The following USP9Y variants were observed in gnomAD, a reference collection of about 807,000 sequenced individuals.
USP9Y encodes ubiquitin carboxyl-terminal hydrolase 9Y.
In USP9Y, 41 loss-of-function variants were observed where a neutral mutation model predicts 53.1. That is an observed-to-expected ratio of 0.77 (90% confidence interval 0.60 to 1.00). The LOEUF is 1.00. USP9Y is among the 50% of genes least tolerant of loss of function. The pLI is 0.00. For missense variants in USP9Y, 567 were observed against 535.8 expected, an observed-to-expected ratio of 1.06 and a Z score of -0.58; for synonymous variants, 220 against 173.7, an observed-to-expected ratio of 1.27 and a Z score of -2.09.
At chrY:12,834,664 C>T (rs919206294) in intron 34 of USP9Y, among the ~76,000 whole-genome samples, 7 of 33,480 alleles carry the variant, frequency 2.1e-4, no homozygotes, top group Non-Finnish European at 3.0e-4. Context: ...TCTGGTAATT[C>T]AGATGCGCCA....
intron 45 of USP9Y, among the ~76,000 whole-genome samples, chrY:12,858,782 C>T: frequency 3.0e-5 from 1 of 33,349 alleles, no homozygotes; most frequent in Non-Finnish European, 7.4e-5. Flanking sequence ...GGCCTGATCT[C>T]GGCTCACTGC....
intron 12 of USP9Y, among the ~76,000 whole-genome samples, chrY:12,751,511 T>A: frequency 8.9e-5 from 3 of 33,757 alleles, no homozygotes; most frequent in Admixed American, 5.4e-4. Flanking sequence ...CTGAGTTCTT[T>A]ATGTAATCTA....
intron 34 of USP9Y, among the ~76,000 whole-genome samples, chrY:12,834,593 A>G (rs2053553651): frequency 3.0e-5 from 1 of 33,246 alleles, no homozygotes; most frequent in African/African-American, 1.2e-4. Context: ...CAGTTGTCAG[A>G]TTGATTGTCA....
chrY:12,810,269 A>G lies in USP9Y; in HGVS notation c.4074A>G (p.Leu1358=), dbSNP rs764979582. Residue 1358 remains leucine, a synonymous_variant, in exon 28 of 46, where the codon TTA becomes TTG. Transcript: ENST00000338981. ...GHRPLLFFIT[L]LFTILGSTAR... ...GGCCTCTGCTTTTCTTCATTACTTT[A>G]CTCTTTACCATACTGGGGGTGAGAA... 43 of 394,817 alleles carry G rather than the reference A, an allele frequency of 1.1e-4. No individual in the cohort carries two copies. The East Asian group carries it at 3.7e-3, about 34-fold the overall frequency.
chrY:12,714,050 G>T (rs2053428362), intron 3 of USP9Y, among the ~76,000 whole-genome samples: 3 of 29,657 alleles, frequency 1.0e-4, no homozygotes, highest in Non-Finnish European at 2.4e-4. Context: ...GTGTCACCAC[G>T]CCTGGCTAAT....
intron 4 of USP9Y, 141 bp from the exon 5 acceptor site, chrY:12,721,967 T>C: frequency 6.2e-6 from 1 of 161,481 alleles, no homozygotes; most frequent in Admixed American, 1.2e-4. Context: ...TACTTCTTTT[T>C]AGAAGTCTAT....
intron 39 of USP9Y, among the ~76,000 whole-genome samples, chrY:12,845,184 C>T (rs2053565377): frequency 3.0e-5 from 1 of 33,337 alleles, no homozygotes; most frequent in South Asian, 6.6e-4. Context: ...CTGTCTATAA[C>T]GTAGAATGGC....
In USP9Y at chrY:12,846,514, C is replaced by A; in HGVS notation, c.6750C>A (p.Ile2250=). The change falls in exon 40 of 46, where the codon ATC becomes ATA. Residue 2250 remains isoleucine (I), a synonymous_variant. Coordinates refer to ENST00000338981, the MANE Select transcript of USP9Y (RefSeq NM_004654.4). ...CNVSSTMQSS[I]NGNPPLPNPF... The stretch of plus-strand genomic sequence containing the variant: ...TGTCATCAACAATGCAGTCTTCAAT[C>A]AATGGTAAAGTAGCATGTTCCATTT... 2 of 396,501 alleles carry A rather than the reference C, an allele frequency of 5.0e-6. No individual in the cohort carries two copies. The highest frequency in any genetic ancestry group is 7.1e-6 in the Non-Finnish European group (2 of 281,681).
chrY:12,758,512 G>A lies in USP9Y; in HGVS notation c.1636G>A (p.Asp546Asn). 2.6e-6 allele frequency: 1 copy of A among 386,494 alleles called. No individual in the cohort carries two copies. The highest frequency in any genetic ancestry group is 3.6e-6 in the Non-Finnish European group (1 of 276,031). Reference sequence around the variant, plus strand: ...AATTTTTTTCATGTATAAGGATCGAGATGCACAGAAGATCCAGTGGATAGA... The same window carrying A: ...AATTTTTTTCATGTATAAGGATCGAAATGCACAGAAGATCCAGTGGATAGA... ...ILDYSCSQDR[D>N]AQKIQWIDHF... Residue 546 changes from aspartate (D) to asparagine (N), a missense_variant, in exon 14 of 46, where the codon GAT (aspartate) becomes AAT (asparagine). Physicochemically the swap from Asp to Asn is conservative, Grantham distance 23. Transcript: ENST00000338981.
At position 12,739,518 on chromosome Y, in the gene USP9Y, T is replaced by A. The variant is rs757979219; in HGVS notation, c.1318-7T>A. ...TTTTATTTATTCTACTTTTGTTTTT[T>A]CAACAGGCAGGAAAACATGAAGCCA... On this transcript the variant is annotated splice_region_variant and splice_polypyrimidine_tract_variant and intron_variant, in intron 11 of 45. Transcript: ENST00000338981. 50 of 385,335 alleles carry A rather than the reference T, an allele frequency of 1.3e-4. No homozygotes were observed. In the East Asian group the frequency reaches 4.6e-3, roughly 36 times the overall value.
chrY:12,736,556 C>G lies in USP9Y; in HGVS notation c.1164+7C>G, dbSNP rs759115833. The stretch of plus-strand genomic sequence containing the variant: ...GACAGCTGAGCGAATGGCAGTAAGC[C>G]TCTTAAATCTTTTATTGTGAATAAG... On this transcript the variant is annotated splice_region_variant and intron_variant, in intron 10 of 45. Transcript: ENST00000338981. 2 of 395,220 alleles carry G rather than the reference C, an allele frequency of 5.1e-6. No homozygotes were observed. Among genetic ancestry groups the G allele is most frequent in the Non-Finnish European group, 3.6e-6 (1 of 281,405 alleles).
intron 3 of USP9Y, among the ~76,000 whole-genome samples, chrY:12,714,277 A>G (rs761415548): frequency 2.0e-3 from 64 of 31,485 alleles, no homozygotes; most frequent in Middle Eastern, 0.014. Context: ...ATGCACAGGA[A>G]TGAAGGCATT....
At chrY:12,775,907 C>G (rs2053492091) in intron 18 of USP9Y, among the ~76,000 whole-genome samples, 57 of 31,772 alleles carry the variant, frequency 1.8e-3, no homozygotes, top group Non-Finnish European at 3.8e-3. Flanking sequence ...AGTGGTGCAG[C>G]CACAACTCAG....
chrY:12,814,267 G>A (rs796564269), intron 31 of USP9Y, among the ~76,000 whole-genome samples: 37 of 32,006 alleles, frequency 1.2e-3, no homozygotes, highest in Admixed American at 3.1e-3. Context: ...GGTGGCTCAC[G>A]CCTGTAATCC....
chrY:12,736,962 A>T lies in USP9Y; in HGVS notation c.1164+413A>T, dbSNP rs527611650. On this transcript the variant is annotated intron_variant, in intron 10 of 45. Coordinates refer to ENST00000338981, the MANE Select transcript of USP9Y (RefSeq NM_004654.4). ...AGTAGTGCTTTATCATGATTTTAAG[A>T]ATATTAAGATTAATTTCTTTTTTTT... Among the ~76,000 whole-genome samples the T allele has an allele frequency of 9.4e-5, 3 of 31,771 alleles. No homozygotes were observed. In the South Asian group the frequency reaches 2.2e-3, roughly 23 times the overall value. The allele number at this position is 31,771 out of a possible 37,273, so 85.2% of individuals were successfully genotyped here.
At chrY:12,852,022 C>G in intron 42 of USP9Y, among the ~76,000 whole-genome samples, 1 of 32,810 alleles carries the variant, frequency 3.0e-5, no homozygotes, top group Admixed American at 2.8e-4. Context: ...TGAGGAGTAT[C>G]TTTGTGGTGT....
chrY:12,725,068 C>T, intron 5 of USP9Y, 45 bp from the exon 6 acceptor site: 1 of 310,709 alleles, frequency 3.2e-6, no homozygotes, highest in South Asian at 3.2e-5. Flanking sequence ...TCATAATTGG[C>T]CAAATAATTT....
chrY:12,718,447 A>C, intron 3 of USP9Y, among the ~76,000 whole-genome samples: 1 of 33,896 alleles, frequency 3.0e-5, no homozygotes, highest in Non-Finnish European at 7.3e-5. Flanking sequence ...GTTTGGCTAC[A>C]GACAGTAAAC....
chrY:12,716,205 G>C (rs908638182), intron 3 of USP9Y, among the ~76,000 whole-genome samples: 6 of 33,943 alleles, frequency 1.8e-4, no homozygotes, highest in Non-Finnish European at 2.9e-4. Flanking sequence ...TAACCTGTTA[G>C]CATGAGTTGA....
Sources: allele counts gnomAD v4.1 joint callset (sites outside exome capture counted in the v4.1 genomes callset), GRCh38; gene constraint gnomAD v4.1.1; transcripts MANE v1.5; gene names NCBI Gene and HGNC (gene_info 2026-07-23, HGNC 2026-07-21).